The following ERBIN variants were observed in gnomAD, a reference collection of about 807,000 sequenced individuals.
ERBIN encodes the protein densin-180-like protein.
ERBIN carries 60 observed loss-of-function variants against 158.4 expected under a neutral mutation model. That is an observed-to-expected ratio of 0.38 (90% confidence interval 0.31 to 0.47). ERBIN has a LOEUF of 0.47. ERBIN is among the 20% of genes least tolerant of loss of function. The pLI is 0.99. For missense variants in ERBIN, 1,610 were observed against 1,648.0 expected (o/e 0.98, Z 0.40); for synonymous variants, 594 against 557.2 (o/e 1.07, Z -0.93).
chr5:66,039,476 C>G (rs2151193702), intron 15 of ERBIN, among the ~76,000 whole-genome samples: 1 of 151,840 alleles, frequency 6.6e-6, no homozygotes, highest in East Asian at 1.9e-4. Flanking sequence ...TCTTCAGAGA[C>G]AAAGAAAAGT....
In ERBIN at chr5:66,066,773, C is replaced by T. The variant is rs116238655; in HGVS notation, c.3634-5396C>T. Among the ~76,000 whole-genome samples, 675 of 152,304 alleles carry T rather than the reference C, an allele frequency of 4.4e-3. 2 individuals are homozygous for T. Among genetic ancestry groups the T allele is most frequent in the East Asian group, 0.016 (84 of 5,186 alleles). Reference sequence around the variant, plus strand: ...GTTACGTTCACTCGTTATTATACAACTATCAGTATGTAATGAACAACATTG... The same window carrying T: ...GTTACGTTCACTCGTTATTATACAATTATCAGTATGTAATGAACAACATTG... On this transcript the variant is annotated intron_variant, in intron 21 of 25. Transcript: ENST00000284037.
chr5:66,076,860 T>C lies in ERBIN; in HGVS notation c.4057-15T>C. On this transcript the variant is annotated splice_polypyrimidine_tract_variant and intron_variant, in intron 24 of 25. Transcript: ENST00000284037. Reference sequence around the variant, plus strand: ...CATACTGTTTTTAGTTAAATAATTTTTTTTGTTGTTAAAGGGTATATTTGT... The same window carrying C: ...CATACTGTTTTTAGTTAAATAATTTCTTTTGTTGTTAAAGGGTATATTTGT... 6.3e-7 allele frequency: 1 copy of C among 1,585,802 alleles called. No individual in the cohort carries two copies. The highest frequency in any genetic ancestry group is 8.6e-7 in the Non-Finnish European group (1 of 1,160,296).
Position 65,992,760 on chromosome 5 carries a change from T to TCGCTGTCTA in ERBIN, c.45_53dup (p.Cys16_Arg18dup). On this transcript the variant is annotated inframe_insertion, in exon 3 of 26. Transcript: ENST00000284037. ...GTTTGTTTGTGCGGTTGGTACCATG[T>TCGCTGTCTA]CGCTGTCTACGAGGGGAAGAGGAGA... The TCGCTGTCTA allele has an allele frequency of 2.5e-6, 4 of 1,613,124 alleles. No homozygotes were observed. Among genetic ancestry groups the TCGCTGTCTA allele is most frequent in the Non-Finnish European group, 3.4e-6 (4 of 1,179,690 alleles).
chr5:65,937,861 A>T (rs1744279838), intron 1 of ERBIN, among the ~76,000 whole-genome samples: 1 of 152,188 alleles, frequency 6.6e-6, no homozygotes, highest in Non-Finnish European at 1.5e-5. Context: ...GTGAGCCGAG[A>T]TCGTGCCACT....
intron 1 of ERBIN, among the ~76,000 whole-genome samples, chr5:65,944,014 G>A (rs951671037): frequency 2.0e-5 from 3 of 152,134 alleles, no homozygotes; most frequent in African/African-American, 7.2e-5. Context: ...TCCATTGTAT[G>A]TATATACCAC....
intron 4 of ERBIN, among the ~76,000 whole-genome samples, chr5:66,004,218 A>AT (rs1350444302): frequency 6.6e-6 from 1 of 151,800 alleles, no homozygotes; most frequent in Non-Finnish European, 1.5e-5. Flanking sequence ...AGTAGTGGGA[A>AT]TACAGGCGTG....
At chr5:65,952,426 C>T (rs567397200) in intron 1 of ERBIN, among the ~76,000 whole-genome samples, 3 of 151,610 alleles carry the variant, frequency 2.0e-5, no homozygotes, top group East Asian at 3.9e-4. Flanking sequence ...TAGGCATGAT[C>T]ATGGTGCATT....
At chr5:65,970,006 C>T (rs527774941) in intron 1 of ERBIN, among the ~76,000 whole-genome samples, 360 of 152,140 alleles carry the variant, frequency 2.4e-3, no homozygotes, top group Non-Finnish European at 4.2e-3. Flanking sequence ...ACCTGGTTTT[C>T]GTATATTGAG....
At position 66,079,325 on chromosome 5, in the gene ERBIN, A is replaced by G. The variant is rs1239837462; in HGVS notation, c.*795A>G. 3 of 149,902 alleles carry G rather than the reference A, an allele frequency of 2.0e-5. No individual in the cohort carries two copies. The highest frequency in any genetic ancestry group is 3.9e-4 in the East Asian group (2 of 5,146). 9.3% of individuals were successfully genotyped at this position (149,902 alleles called of 1,614,324 possible). On this transcript the variant is annotated 3_prime_UTR_variant, in exon 26 of 26. Transcript: ENST00000284037. ...TTAGTCACAGGAAATTTTTAACTCT[A>G]CTGTAGATGCATGTCCATGCATTTT...
chr5:66,025,332 T>G, intron 10 of ERBIN, 148 bp from the exon 11 acceptor site: 2 of 676,344 alleles, frequency 3.0e-6, no homozygotes, highest in South Asian at 3.2e-5. Context: ...AATAGAACAT[T>G]GGGATTGGGA....
chr5:66,072,387 T>C (rs950353633), intron 22 of ERBIN, 96 bp downstream of exon 22: 4 of 1,230,798 alleles, frequency 3.2e-6, no homozygotes, highest in Non-Finnish European at 2.1e-6. Flanking sequence ...TGAAAATACT[T>C]TTTTGAGGGC....
Position 66,079,799 on chromosome 5 carries a change from A to G in ERBIN, c.*1269A>G, listed in dbSNP as rs1762301581. 1 of 152,548 alleles carries G rather than the reference A, an allele frequency of 6.6e-6. No homozygotes were observed. Among genetic ancestry groups the G allele is most frequent in the Admixed American group, 6.5e-5 (1 of 15,284 alleles). 9.4% of individuals were successfully genotyped at this position (152,548 alleles called of 1,614,324 possible). On this transcript the variant is annotated 3_prime_UTR_variant, in exon 26 of 26. Transcript: ENST00000284037. ...AAAGGGTTTCTATGTGTATCAGTGT[A>G]ATAGTGTTTTACCACCAACTGCCTT... is the stretch of plus-strand genomic sequence containing the variant.
At chr5:66,061,741 G>A (rs1359895032) in intron 21 of ERBIN, among the ~76,000 whole-genome samples, 4 of 152,118 alleles carry the variant, frequency 2.6e-5, no homozygotes, top group Non-Finnish European at 5.9e-5. Flanking sequence ...CAGGCCTGGT[G>A]GTGACAAAAT....
intron 22 of ERBIN, among the ~76,000 whole-genome samples, chr5:66,073,151 G>T (rs978153468): frequency 6.6e-6 from 1 of 152,086 alleles, no homozygotes; most frequent in African/African-American, 2.4e-5. Flanking sequence ...CCATGTGTAT[G>T]TTTAACACTG....
At chr5:66,018,466 A>ATATAT (rs1554058731) in intron 7 of ERBIN, among the ~76,000 whole-genome samples, 2 of 5,498 alleles carry the variant, frequency 3.6e-4, no homozygotes, top group African/African-American at 6.4e-4. Flanking sequence ...ATATTATATA[A>ATATAT]TATATATTAT....
intron 18 of ERBIN, among the ~76,000 whole-genome samples, chr5:66,047,292 G>T (rs1758539816): frequency 6.6e-6 from 1 of 152,010 alleles, no homozygotes; most frequent in Admixed American, 6.6e-5. Context: ...GTATGTTATA[G>T]CATATATCAA....
chr5:65,996,736 A>G (rs1002162419), intron 4 of ERBIN, among the ~76,000 whole-genome samples: 4 of 152,178 alleles, frequency 2.6e-5, no homozygotes, highest in African/African-American at 9.7e-5. Flanking sequence ...ACGTTTTAAC[A>G]ATATTGATTT....
intron 15 of ERBIN, among the ~76,000 whole-genome samples, chr5:66,039,796 T>C (rs943234576): frequency 2.6e-5 from 4 of 151,934 alleles, no homozygotes; most frequent in Non-Finnish European, 4.4e-5. Context: ...TGTAAACCTA[T>C]TCTCAAAGCT....
chr5:66,041,086 T>C (rs1757879296), intron 15 of ERBIN, among the ~76,000 whole-genome samples: 1 of 151,808 alleles, frequency 6.6e-6, no homozygotes, highest in African/African-American at 2.4e-5. Context: ...CCTCTGGAAG[T>C]TGGGGTAAGG....
Sources: allele counts gnomAD v4.1 joint callset (sites outside exome capture counted in the v4.1 genomes callset), GRCh38; gene constraint gnomAD v4.1.1; transcripts MANE v1.5; gene names NCBI Gene and HGNC (gene_info 2026-07-23, HGNC 2026-07-21).